Variants in CDH18 observed in about 807,000 individuals in gnomAD.
The protein encoded by CDH18 is cadherin 18.
CDH18 carries 31 observed loss-of-function variants against 67.9 expected under a neutral mutation model. That is an observed-to-expected ratio of 0.46 (90% CI 0.34 to 0.62). CDH18 has a LOEUF of 0.62. Among genes scored for constraint, CDH18 ranks in the 20% least tolerant of loss-of-function variants. The pLI, the probability that CDH18 is intolerant of heterozygous loss-of-function variation, is 0.01. For synonymous variants in CDH18, 362 were observed against 347.2 expected, an observed-to-expected ratio of 1.04 and a Z score of -0.48; for missense variants, 890 against 975.5, an observed-to-expected ratio of 0.91 and a Z score of 1.17.
At chr5:20,213,224 G>A (rs1372990894) in intron 2 of CDH18, among the ~76,000 whole-genome samples, 1 of 152,150 alleles carries the variant, frequency 6.6e-6, no homozygotes. Context: ...AGAGAGAAGA[G>A]ATGGGAAAAT....
intron 12 of CDH18, among the ~76,000 whole-genome samples, chr5:19,480,618 G>C (rs1189329068): frequency 6.6e-6 from 1 of 151,956 alleles, no homozygotes; most frequent in Non-Finnish European, 1.5e-5. Flanking sequence ...ACCTCGTGAT[G>C]CGCCCACCTC....
chr5:19,802,113 A>G (rs1164667468), intron 3 of CDH18, among the ~76,000 whole-genome samples: 3 of 152,218 alleles, frequency 2.0e-5, no homozygotes, highest in African/African-American at 4.8e-5. Flanking sequence ...TGTAATCCTC[A>G]GCAAAATATA....
At chr5:20,266,765 G>T (rs182545718) in intron 1 of CDH18, among the ~76,000 whole-genome samples, 2,193 of 151,622 alleles carry the variant, frequency 0.014, 30 homozygotes, top group South Asian at 0.03. Flanking sequence ...AGGAAGAGGG[G>T]AAGATATATG....
intron 1 of CDH18, among the ~76,000 whole-genome samples, chr5:20,510,152 A>T (rs374799637): frequency 6.6e-6 from 1 of 151,828 alleles, no homozygotes; most frequent in Non-Finnish European, 1.5e-5. Flanking sequence ...TGATGTTGAA[A>T]TTTTTTTTCA....
intron 1 of CDH18, among the ~76,000 whole-genome samples, chr5:20,352,698 C>G (rs994813117): frequency 1.3e-5 from 2 of 150,770 alleles, no homozygotes; most frequent in Non-Finnish European, 2.9e-5. Flanking sequence ...GAGGCTGAGG[C>G]AGGAGAATGG....
In CDH18 at chr5:20,138,466, A is replaced by G. The variant is rs138096476; in HGVS notation, c.-518+116978T>C. Among the ~76,000 whole-genome samples the G allele has an allele frequency of 6.6e-3, 1,001 of 152,198 alleles. 15 individuals are homozygous for G. Among genetic ancestry groups the G allele is most frequent in the African/African-American group, 0.023 (957 of 41,540 alleles). On this transcript the variant is annotated intron_variant, in intron 2 of 14. Coordinates refer to the CDH18 transcript ENST00000507958. ...CATAGTGTTGGAAGTTCTGGCCAGG[A>G]CAATCAGGCAGGAGAAAGAAATAAA...
intron 1 of CDH18, among the ~76,000 whole-genome samples, chr5:19,986,922 G>A (rs1346362459): frequency 1.3e-5 from 2 of 152,292 alleles, no homozygotes; most frequent in East Asian, 1.9e-4. Flanking sequence ...GGTGATCCCA[G>A]AGTGAAAAAT....
intron 1 of CDH18, among the ~76,000 whole-genome samples, chr5:20,489,044 G>C (rs1753410126): frequency 6.6e-6 from 1 of 151,858 alleles, no homozygotes. Context: ...CACTTTACCT[G>C]CTCATTTAAT....
intron 1 of CDH18, among the ~76,000 whole-genome samples, chr5:20,468,555 T>TA (rs1183460339): frequency 6.6e-6 from 1 of 152,200 alleles, no homozygotes; most frequent in Non-Finnish European, 1.5e-5. Flanking sequence ...AAGATCACTC[T>TA]AAAGTTTTTC....
At chr5:20,198,337 C>T (rs1001045007) in intron 2 of CDH18, among the ~76,000 whole-genome samples, 1 of 152,088 alleles carries the variant, frequency 6.6e-6, no homozygotes, top group Non-Finnish European at 1.5e-5. Context: ...GTGATATGGA[C>T]AGTGAAGTCC....
At chr5:20,180,704 T>G (rs1203453000) in intron 2 of CDH18, among the ~76,000 whole-genome samples, 1 of 152,092 alleles carries the variant, frequency 6.6e-6, no homozygotes, top group Non-Finnish European at 1.5e-5. Context: ...GTATATCCAG[T>G]GCATTGTTGG....
Position 20,304,884 on chromosome 5 carries a change from G to A in CDH18, c.-579-49379C>T, listed in dbSNP as rs1166883290. 3 of 1,611,834 alleles carry A rather than the reference G, an allele frequency of 1.9e-6. No homozygotes were observed. In the African/African-American group the frequency reaches 4.0e-5, roughly 22 times the overall value. ...CAATGTTTGCTAAATATTTCTCATA[G>A]TCTTTAAAGATAGGTGTCAGATCAC... On this transcript the variant is annotated intron_variant, in intron 1 of 14. Coordinates refer to the CDH18 transcript ENST00000507958.
chr5:19,905,722 G>A (rs540081961), intron 2 of CDH18, among the ~76,000 whole-genome samples: 8 of 151,832 alleles, frequency 5.3e-5, no homozygotes, highest in Admixed American at 1.3e-4. Context: ...CATAGAGCAC[G>A]TGAGTCTCAG....
At chr5:19,994,736 TATAGAGAGAGAGAGAGAGAGAGAG>T (rs1198167739) in intron 2 of CDH18, among the ~76,000 whole-genome samples, 4 of 8,952 alleles carry the variant, frequency 4.5e-4, no homozygotes, top group Admixed American at 2.5e-3. Flanking sequence ...TATATATATA[TATAGAGAGAGAGAGAGAGAGAGAG>T]AGAGAGAGAG....
intron 2 of CDH18, among the ~76,000 whole-genome samples, chr5:19,864,241 A>G (rs1785217263): frequency 6.6e-6 from 1 of 150,752 alleles, no homozygotes; most frequent in South Asian, 2.1e-4. Flanking sequence ...ACATGGATGA[A>G]ATTGGAAATC....
At chr5:20,558,021 AATG>A (rs1758008761) in intron 1 of CDH18, among the ~76,000 whole-genome samples, 1 of 142,852 alleles carries the variant, frequency 7.0e-6, no homozygotes, top group African/African-American at 2.7e-5. Context: ...TATAACATTA[AATG>A]TTATAGTTAT....
intron 4 of CDH18, among the ~76,000 whole-genome samples, chr5:19,734,705 G>T (rs896775781): frequency 1.3e-4 from 20 of 152,004 alleles, no homozygotes; most frequent in Non-Finnish European, 2.2e-4. Context: ...TCCCAGTGCT[G>T]CCCACCCCCT....
intron 3 of CDH18, among the ~76,000 whole-genome samples, chr5:19,754,051 A>T (rs1310593625): frequency 6.6e-6 from 1 of 152,176 alleles, no homozygotes; most frequent in Non-Finnish European, 1.5e-5. Flanking sequence ...CACAGGACCT[A>T]TAAAACAAAA....
chr5:19,542,251 T>C (rs1445512041), intron 9 of CDH18, among the ~76,000 whole-genome samples: 2 of 152,028 alleles, frequency 1.3e-5, no homozygotes, highest in Non-Finnish European at 2.9e-5. Context: ...CCCACTAGAA[T>C]GGCTATAATA....
Sources: gnomAD v4.1 joint callset for allele counts (sites outside exome capture counted in the v4.1 genomes callset) on GRCh38, gnomAD v4.1.1 for gene constraint, MANE v1.5 for transcripts, NCBI Gene and HGNC (gene_info 2026-07-23, HGNC 2026-07-21) for gene names.